PCBD2: variants seen among roughly 807,000 people sequenced by gnomAD.
PCBD2 encodes pterin-4 alpha-carbinolamine dehydratase 2.
PCBD2 carries 12 observed loss-of-function variants against 16.4 expected under a neutral mutation model. The observed-to-expected ratio is 0.73, with a 90% CI of 0.47 to 1.19. The LOEUF (loss-of-function observed/expected upper bound fraction) is 1.19, where lower values mean the gene tolerates loss of function less well. PCBD2 is among the 50% of genes most tolerant of loss of function. The pLI, the probability that PCBD2 is intolerant of heterozygous loss-of-function variation, is 0.00. For synonymous variants in PCBD2, 58 were observed against 61.8 expected, an observed-to-expected ratio of 0.94 and a Z score of 0.29; for missense variants, 138 against 156.8, an observed-to-expected ratio of 0.88 and a Z score of 0.64.
chr5:134,924,566 T>A (rs1750959928), intron 2 of PCBD2: 1 of 398,762 alleles, frequency 2.5e-6, no homozygotes, highest in Non-Finnish European at 4.4e-6. Context: ...TGTATGATTA[T>A]GGGCGTTGAT....
chr5:134,933,408 G>T (rs1252483405), intron 2 of PCBD2, among the ~76,000 whole-genome samples: 1 of 151,970 alleles, frequency 6.6e-6, no homozygotes, highest in Non-Finnish European at 1.5e-5. Context: ...GCTAATTTTT[G>T]TATTTTTTGT....
intron 2 of PCBD2, among the ~76,000 whole-genome samples, chr5:134,955,611 A>G (rs1025927712): frequency 6.6e-6 from 1 of 152,166 alleles, no homozygotes; most frequent in African/African-American, 2.4e-5. Flanking sequence ...CCCAGCCAAC[A>G]ATGATCTTTA....
rs748322296 is a variant in PCBD2, at chr5:134,961,784, C to T, written c.*1103C>T. On this transcript the variant is annotated 3_prime_UTR_variant, in exon 4 of 4. Coordinates refer to ENST00000254908, the MANE Select transcript of PCBD2 (RefSeq NM_032151.5). ...TTCTTTTGTTTTGTTTTGTTTGAGA[C>T]GGGGTCTCGCTCTGCTGCCCAGGCT... 2.3e-4 allele frequency among the ~76,000 whole-genome samples: 35 copies of T among 151,680 alleles called. No homozygotes were observed. The highest frequency in any genetic ancestry group is 6.9e-3 in the Middle Eastern group (2 of 288).
intron 1 of PCBD2, among the ~76,000 whole-genome samples, chr5:134,906,025 A>G (rs1750684377): frequency 6.8e-6 from 1 of 146,904 alleles, no homozygotes; most frequent in Admixed American, 6.8e-5. Flanking sequence ...GGCGCGTGCC[A>G]TTTCGCCCAG....
rs181877859 is a variant in PCBD2 at position 134,949,359 on chromosome 5, T to C, written c.217-9681T>C. ...CAGACACTATAATATCAAAGTGTTATTGATGATGATAATAATCACTAGCAT... is the reference window on the plus strand; with the variant it reads ...CAGACACTATAATATCAAAGTGTTACTGATGATGATAATAATCACTAGCAT... On this transcript the variant is annotated intron_variant, in intron 2 of 3. Transcript: ENST00000254908. Among the ~76,000 whole-genome samples the C allele has an allele frequency of 1.3e-3, 197 of 152,300 alleles. 1 individual carries two copies. Among genetic ancestry groups the C allele is most frequent in the Non-Finnish European group, 2.2e-3 (150 of 68,024 alleles).
At chr5:134,922,565 CCTCA>C (rs1750917076) in intron 2 of PCBD2, among the ~76,000 whole-genome samples, 1 of 152,162 alleles carries the variant, frequency 6.6e-6, no homozygotes, top group East Asian at 1.9e-4. Flanking sequence ...CTGTCCTTAT[CCTCA>C]CAGAGCATAC....
chr5:134,905,188 GC>G lies in PCBD2; in HGVS notation c.50del (p.Ala17GlyfsTer7), dbSNP rs1454982248. 8.2e-7 allele frequency: 1 copy of G among 1,224,374 alleles called. No homozygotes were observed. Among genetic ancestry groups the G allele is most frequent in the Non-Finnish European group, 1.0e-6 (1 of 983,430 alleles). The allele number at this position is 1,224,374 out of a possible 1,614,324, so 75.8% of individuals were successfully genotyped here. ...ALGATRRLLA[A>X]LRGQSLGLAA... ...CGGGGCGACGCGGCGCTTGTTGGCGGCGCTGCGAGGCCAGAGCCTAGGGCTA... is the reference window on the plus strand; with the variant it reads ...CGGGGCGACGCGGCGCTTGTTGGCGGGCTGCGAGGCCAGAGCCTAGGGCTA... On this transcript the variant is annotated frameshift_variant, in exon 1 of 4. Transcript: ENST00000254908. LOFTEE classifies it high-confidence loss of function.
chr5:134,920,548 G>A (rs1039764717), intron 2 of PCBD2, among the ~76,000 whole-genome samples: 1 of 152,200 alleles, frequency 6.6e-6, no homozygotes, highest in African/African-American at 2.4e-5. Context: ...TCACTGTTGA[G>A]CAATCAAAGG....
Position 134,960,597 on chromosome 5 carries a change from T to A in PCBD2, c.309T>A (p.Thr103=). The A allele has an allele frequency of 3.7e-6, 6 of 1,609,266 alleles. No homozygotes were observed. The highest frequency in any genetic ancestry group is 5.1e-6 in the Non-Finnish European group (6 of 1,176,842). The change falls in exon 4 of 4, where the codon ACT becomes ACA. Residue 103 remains threonine, a synonymous_variant. Transcript: ENST00000254908. ...TTTCTTTTTCTTAGGTCCAGATAAC[T>A]CTCACCTCACATGACTGTGGTGAAC... The part of the protein sequence containing the change: ...WFNVYNKVQI[T]LTSHDCGELT...
At chr5:134,930,403 C>A (rs1751079257) in intron 2 of PCBD2, among the ~76,000 whole-genome samples, 1 of 152,196 alleles carries the variant, frequency 6.6e-6, no homozygotes, top group African/African-American at 2.4e-5. Flanking sequence ...ATACATACAA[C>A]CCTTTCTCAC....
intron 2 of PCBD2, chr5:134,923,624 C>T (rs574864667): frequency 1.1e-3 from 418 of 365,192 alleles, no homozygotes; most frequent in Non-Finnish European, 1.8e-3. Context: ...TTACTGTGGC[C>T]CCTCAGAAGG....
At chr5:134,914,675 A>G (rs1750806069) in intron 2 of PCBD2, among the ~76,000 whole-genome samples, 1 of 143,088 alleles carries the variant, frequency 7.0e-6, no homozygotes, top group African/African-American at 2.6e-5. Context: ...GACATCATCT[A>G]TTTTTTTTTT....
At chr5:134,926,213 C>T (rs556027585) in intron 2 of PCBD2, 33 of 323,062 alleles carry the variant, frequency 1.0e-4, no homozygotes, top group African/African-American at 6.4e-4. Context: ...GAGAAATAAT[C>T]TAGTTTGAAG....
At chr5:134,906,959 A>T (rs1750699051) in intron 1 of PCBD2, among the ~76,000 whole-genome samples, 2 of 152,178 alleles carry the variant, frequency 1.3e-5, no homozygotes, top group South Asian at 4.1e-4. Flanking sequence ...CTTTGATGTT[A>T]TGTAGATGAA....
intron 1 of PCBD2, among the ~76,000 whole-genome samples, chr5:134,906,626 T>G (rs1168644561): frequency 6.6e-6 from 1 of 151,994 alleles, no homozygotes; most frequent in Non-Finnish European, 1.5e-5. Flanking sequence ...TCCAGTAAGA[T>G]TAGGGTGTTC....
At chr5:134,921,307 T>C (rs1290118279) in intron 2 of PCBD2, among the ~76,000 whole-genome samples, 1 of 152,068 alleles carries the variant, frequency 6.6e-6, no homozygotes, top group Non-Finnish European at 1.5e-5. Flanking sequence ...GTTAGTCAGG[T>C]ACTAGAATGT....
intron 2 of PCBD2, chr5:134,927,544 T>C (rs549096158): frequency 5.0e-6 from 2 of 397,104 alleles, no homozygotes; most frequent in African/African-American, 4.2e-5. Context: ...TGGGTGTAGA[T>C]TAGTGCGATG....
At chr5:134,913,502 C>T (rs775483447) in intron 2 of PCBD2, among the ~76,000 whole-genome samples, 8 of 152,040 alleles carry the variant, frequency 5.3e-5, no homozygotes, top group Non-Finnish European at 8.8e-5. Flanking sequence ...GTGGAGCAGG[C>T]GAGGAGACGA....
intron 2 of PCBD2, among the ~76,000 whole-genome samples, chr5:134,950,649 T>C (rs1751348456): frequency 6.6e-6 from 1 of 152,218 alleles, no homozygotes; most frequent in Admixed American, 6.5e-5. Context: ...GGTTTGGAGA[T>C]TTCCAAATGA....
Sources: gnomAD v4.1 joint callset for allele counts (sites outside exome capture counted in the v4.1 genomes callset) on GRCh38, gnomAD v4.1.1 for gene constraint, MANE v1.5 for transcripts, NCBI Gene and HGNC (gene_info 2026-07-23, HGNC 2026-07-21) for gene names.